The following GNAQ variants were observed in gnomAD, a reference collection of about 807,000 sequenced individuals.
GNAQ encodes the protein guanine nucleotide-binding protein G(q) subunit alpha.
In GNAQ, 8 loss-of-function variants were observed where a neutral mutation model predicts 43.9. That is an observed-to-expected ratio of 0.18 (90% confidence interval 0.11 to 0.33). The LOEUF is 0.33. Among genes scored for constraint, GNAQ ranks in the 10% least tolerant of loss-of-function variants. The pLI is 1.00. For missense variants in GNAQ, 158 were observed against 450.8 expected (o/e 0.35, Z 5.88); for synonymous variants, 155 against 170.7 (o/e 0.91, Z 0.71).
intron 1 of GNAQ, among the ~76,000 whole-genome samples, chr9:77,985,907 C>G (rs1823429718): frequency 6.6e-6 from 1 of 152,126 alleles, no homozygotes. Context: ...TTTTTTAAAA[C>G]AGCTGTCATT....
rs973892448 is a variant in GNAQ, at chr9:77,930,872, C to G, written c.137-8527G>C. Reference sequence around the variant, plus strand: ...GCACCAGTCACTGGACTGTTAGGAACCGGGCCGCACAGCAAGAGAGTGGCA... The same window carrying G: ...GCACCAGTCACTGGACTGTTAGGAAGCGGGCCGCACAGCAAGAGAGTGGCA... On this transcript the variant is annotated intron_variant, in intron 1 of 6. Coordinates refer to ENST00000286548, the MANE Select transcript of GNAQ (RefSeq NM_002072.5). 3.9e-5 allele frequency among the ~76,000 whole-genome samples: 6 copies of G among 152,100 alleles called. No homozygotes were observed. In the East Asian group the frequency reaches 9.7e-4, roughly 25 times the overall value.
chr9:77,823,798 C>T (rs561661819), intron 2 of GNAQ, among the ~76,000 whole-genome samples: 4 of 152,252 alleles, frequency 2.6e-5, no homozygotes, highest in African/African-American at 9.6e-5. Flanking sequence ...TCCCATGAGG[C>T]CCTTCCCCCA....
In GNAQ at chr9:78,031,291, C is replaced by A; in HGVS notation, c.-56G>T. On this transcript the variant is annotated 5_prime_UTR_variant, in exon 1 of 7. Coordinates refer to ENST00000286548, the MANE Select transcript of GNAQ (RefSeq NM_002072.5). ...CGGCACCCCCTGCTCACAGCGCGCACACACACCCTCCCGCCCTCGCTCCCC... is the reference window on the plus strand; with the variant it reads ...CGGCACCCCCTGCTCACAGCGCGCAAACACACCCTCCCGCCCTCGCTCCCC... 1 of 1,347,722 alleles carries A rather than the reference C, an allele frequency of 7.4e-7. No homozygotes were observed. Among genetic ancestry groups the A allele is most frequent in the Non-Finnish European group, 9.7e-7 (1 of 1,026,816 alleles). The allele number at this position is 1,347,722 out of a possible 1,614,324, so 83.5% of individuals were successfully genotyped here. A position where few individuals can be genotyped will look rare whatever the true frequency, so the allele number is the denominator to read the frequency against.
Position 77,846,430 on chromosome 9 carries a change from G to A in GNAQ, c.322-30660C>T, listed in dbSNP as rs546971183. Among the ~76,000 whole-genome samples, 4 of 152,306 alleles carry A rather than the reference G, an allele frequency of 2.6e-5. No homozygotes were observed. The East Asian group carries it at 5.8e-4, about 22-fold the overall frequency. On this transcript the variant is annotated intron_variant, in intron 2 of 6. Coordinates refer to ENST00000286548, the MANE Select transcript of GNAQ (RefSeq NM_002072.5). The stretch of plus-strand genomic sequence containing the variant: ...TGTTGCCCAGCTAGAAAAACAAGCT[G>A]GTTAGGAGAGGCTGATTATGATAGG...
At chr9:77,754,706 A>G (rs755052850) in intron 5 of GNAQ, among the ~76,000 whole-genome samples, 2 of 152,228 alleles carry the variant, frequency 1.3e-5, no homozygotes, top group Non-Finnish European at 2.9e-5. Context: ...AAGTACATCA[A>G]CTTAAGAGAC....
At chr9:78,026,324 G>A (rs1228837796) in intron 1 of GNAQ, among the ~76,000 whole-genome samples, 6 of 152,104 alleles carry the variant, frequency 3.9e-5, no homozygotes, top group Non-Finnish European at 5.9e-5. Flanking sequence ...TATTCCGAAG[G>A]CTTTGTTATA....
At chr9:77,839,954 T>A (rs545597571) in intron 2 of GNAQ, among the ~76,000 whole-genome samples, 1 of 152,246 alleles carries the variant, frequency 6.6e-6, no homozygotes, top group African/African-American at 2.4e-5. Flanking sequence ...GAGAGCCAAG[T>A]TGAACTTTGG....
At chr9:77,836,416 C>A (rs948259916) in intron 2 of GNAQ, among the ~76,000 whole-genome samples, 1 of 152,064 alleles carries the variant, frequency 6.6e-6, no homozygotes, top group Non-Finnish European at 1.5e-5. Context: ...TTCTTTAGAG[C>A]AGAAAAAACA....
intron 1 of GNAQ, among the ~76,000 whole-genome samples, chr9:77,988,158 T>C (rs75406345): frequency 0.061 from 9,225 of 152,096 alleles, 314 homozygotes; most frequent in African/African-American, 0.064. Context: ...TAGAAGGAGA[T>C]GATGTCAGAG....
rs1826675669 is a variant in GNAQ, at chr9:77,797,444, C to CAAACA, written c.605+75_605+76insTGTTT. ...CTTGTTTTGAAGCCTACACATGATT[C>CAAACA]CAGTATTTATAGAGTTTACCAAATG... On this transcript the variant is annotated intron_variant, in intron 4 of 6. Transcript: ENST00000286548. 4 of 1,068,034 alleles carry CAAACA rather than the reference C, an allele frequency of 3.7e-6. No individual in the cohort carries two copies. The Admixed American group carries it at 7.0e-5, about 19-fold the overall frequency. The allele number at this position is 1,068,034 out of a possible 1,614,324, so 66.2% of individuals were successfully genotyped here. A position where few individuals can be genotyped will look rare whatever the true frequency, so the allele number is the denominator to read the frequency against.
At chr9:77,897,429 T>C (rs1345555883) in intron 2 of GNAQ, among the ~76,000 whole-genome samples, 1 of 152,026 alleles carries the variant, frequency 6.6e-6, no homozygotes, top group East Asian at 1.9e-4. Context: ...GAAAAAAAAG[T>C]GAGAGGTGGC....
chr9:78,024,202 T>C (rs12006486), intron 1 of GNAQ, among the ~76,000 whole-genome samples: 5,228 of 152,216 alleles, frequency 0.034, 274 homozygotes, highest in South Asian at 0.14. Flanking sequence ...AACCGAAACA[T>C]TGTCCCAAGA....
intron 2 of GNAQ, among the ~76,000 whole-genome samples, chr9:77,857,037 A>G (rs996207917): frequency 6.6e-6 from 1 of 152,226 alleles, no homozygotes; most frequent in African/African-American, 2.4e-5. Flanking sequence ...GAAAACAGTG[A>G]GCTGACTTTC....
chr9:77,986,788 C>A (rs775264113), intron 1 of GNAQ, among the ~76,000 whole-genome samples: 1 of 148,988 alleles, frequency 6.7e-6, no homozygotes, highest in Non-Finnish European at 1.5e-5. Context: ...CAAGAATGAG[C>A]CATGGCACCT....
intron 1 of GNAQ, among the ~76,000 whole-genome samples, chr9:78,008,609 CATTTCATTTCATTTT>C (rs778511931): frequency 4.0e-4 from 52 of 129,790 alleles, no homozygotes; most frequent in African/African-American, 1.3e-3. Context: ...CATTTCATTT[CATTTCATTTCATTTT>C]ATTTTATTTT....
chr9:77,962,782 C>T (rs944225861), intron 1 of GNAQ, among the ~76,000 whole-genome samples: 7 of 151,130 alleles, frequency 4.6e-5, no homozygotes, highest in African/African-American at 1.5e-4. Context: ...ATCCCAGCTA[C>T]TCGGGAGGCT....
chr9:77,836,431 T>C (rs980513568), intron 2 of GNAQ, among the ~76,000 whole-genome samples: 1 of 152,244 alleles, frequency 6.6e-6, no homozygotes, highest in Non-Finnish European at 1.5e-5. Flanking sequence ...AAAACACCAC[T>C]GTTTAGGTAA....
intron 2 of GNAQ, among the ~76,000 whole-genome samples, chr9:77,920,066 G>A (rs1368598223): frequency 6.6e-6 from 1 of 152,052 alleles, no homozygotes; most frequent in Non-Finnish European, 1.5e-5. Flanking sequence ...TTGAACCTGA[G>A]AGGCGCAGAT....
intron 3 of GNAQ, among the ~76,000 whole-genome samples, 187 bp from the exon 4 acceptor site, chr9:77,797,835 A>G (rs1040214835): frequency 1.3e-5 from 2 of 152,188 alleles, no homozygotes; most frequent in Non-Finnish European, 2.9e-5. Flanking sequence ...AAGGTTATCC[A>G]TCTATGGATT....
Sources: allele counts gnomAD v4.1 joint callset (sites outside exome capture counted in the v4.1 genomes callset), GRCh38; gene constraint gnomAD v4.1.1; transcripts MANE v1.5; gene names NCBI Gene and HGNC (gene_info 2026-07-23, HGNC 2026-07-21).